APBA2: variants seen among roughly 807,000 people sequenced by gnomAD.
APBA2 encodes amyloid-beta A4 precursor protein-binding family A member 2.
A neutral mutation model predicts 75.0 loss-of-function variants in APBA2; 30 were observed. The ratio of observed to expected loss-of-function variants is 0.40; its 90% CI spans 0.30 to 0.54. The LOEUF (loss-of-function observed/expected upper bound fraction) is 0.54. Ranked by LOEUF, APBA2 falls within the 20% of genes least tolerant of loss-of-function variation. APBA2 has a pLI of 0.49. For synonymous variants in APBA2, 444 were observed against 409.6 expected, an observed-to-expected ratio of 1.08 and a Z score of -1.01; for missense variants, 801 against 1,016.1, an observed-to-expected ratio of 0.79 and a Z score of 2.88.
chr15:28,938,266 A>C (rs1466152675), intron 2 of APBA2, among the ~76,000 whole-genome samples: 1 of 152,188 alleles, frequency 6.6e-6, no homozygotes, highest in Non-Finnish European at 1.5e-5. Context: ...TCCAAACCAC[A>C]TGGTATTTAT....
chr15:28,998,121 A>G (rs1390502739), intron 3 of APBA2, among the ~76,000 whole-genome samples: 5 of 151,734 alleles, frequency 3.3e-5, no homozygotes, highest in Non-Finnish European at 7.4e-5. Flanking sequence ...GATGTGCCTG[A>G]TGTCTTTTCA....
chr15:29,051,997 A>T (rs1270614346), intron 3 of APBA2, among the ~76,000 whole-genome samples: 4 of 152,192 alleles, frequency 2.6e-5, no homozygotes, highest in African/African-American at 9.7e-5. Flanking sequence ...AAATAGACAT[A>T]AAAAATTTAG....
At chr15:29,115,006 C>G (rs528455166) in intron 14 of APBA2, among the ~76,000 whole-genome samples, 108 of 150,016 alleles carry the variant, frequency 7.2e-4, no homozygotes, top group Non-Finnish European at 1.4e-3. Flanking sequence ...GTGGGTGTGT[C>G]TGTGTGTGTG....
chr15:29,114,897 G>A (rs1391314494), intron 14 of APBA2, among the ~76,000 whole-genome samples: 3 of 147,604 alleles, frequency 2.0e-5, no homozygotes, highest in Non-Finnish European at 4.4e-5. Flanking sequence ...CTGTGGGTGT[G>A]TGTGAGCATG....
chr15:29,055,371 A>C (rs186657796), intron 4 of APBA2, among the ~76,000 whole-genome samples: 109 of 152,286 alleles, frequency 7.2e-4, no homozygotes, highest in African/African-American at 2.5e-3. Flanking sequence ...GTGAATACCT[A>C]TTTGGAAAAG....
intron 3 of APBA2, among the ~76,000 whole-genome samples, chr15:29,005,668 C>T (rs2039077378): frequency 6.6e-6 from 1 of 152,094 alleles, no homozygotes; most frequent in African/African-American, 2.4e-5. Context: ...AGTTCAAGAC[C>T]ATCCTGGCCA....
chr15:29,053,819 G>A lies in APBA2; in HGVS notation c.-40-26G>A, dbSNP rs905370824. 6 of 1,459,100 alleles carry A rather than the reference G, an allele frequency of 4.1e-6. No individual in the cohort carries two copies. In the Admixed American group the frequency reaches 1.2e-4, roughly 29 times the overall value. The allele number at this position is 1,459,100 out of a possible 1,614,324, so 90.4% of individuals were successfully genotyped here. A position where few individuals can be genotyped will look rare whatever the true frequency, so the allele number is the denominator to read the frequency against. On this transcript the variant is annotated intron_variant, in intron 3 of 14. Coordinates refer to ENST00000683413, the MANE Select transcript of APBA2 (RefSeq NM_001353788.2). ...CTGGGCTTTGTGGGGTTTTGACTCT[G>A]TCCTTCCCAATGTTCCTCCCCACAG... is the stretch of plus-strand genomic sequence containing the variant.
chr15:29,057,562 A>T (rs758309155), intron 4 of APBA2, among the ~76,000 whole-genome samples: 1 of 152,234 alleles, frequency 6.6e-6, no homozygotes, highest in Non-Finnish European at 1.5e-5. Context: ...AGCATAAATG[A>T]TGTACGTAGC....
intron 12 of APBA2, 100 bp downstream of exon 12, chr15:29,106,919 C>T: frequency 8.4e-7 from 1 of 1,184,116 alleles, no homozygotes. Flanking sequence ...CCCCACTTCA[C>T]CCATGGGGAA....
intron 2 of APBA2, among the ~76,000 whole-genome samples, chr15:28,969,132 C>CTTTCTTTCTTTCTT (rs1566855353): frequency 4.3e-5 from 2 of 46,180 alleles, no homozygotes; most frequent in Non-Finnish European, 6.3e-5. Flanking sequence ...ATTTCTTTTT[C>CTTTCTTTCTTTCTT]TTTCTTTCTT....
intron 10 of APBA2, 69 bp downstream of exon 10, chr15:29,101,853 C>A (rs777669163): frequency 6.5e-7 from 1 of 1,531,902 alleles, no homozygotes; most frequent in Admixed American, 1.9e-5. Flanking sequence ...AGGATCCAGG[C>A]GCTGTGGAAA....
intron 2 of APBA2, among the ~76,000 whole-genome samples, chr15:28,954,501 G>A (rs1595556895): frequency 6.6e-6 from 1 of 152,112 alleles, no homozygotes; most frequent in East Asian, 1.9e-4. Context: ...GCGGACTTTG[G>A]TACTGGCCCA....
chr15:28,924,361 A>G (rs1402308307), intron 2 of APBA2, among the ~76,000 whole-genome samples: 1 of 152,176 alleles, frequency 6.6e-6, no homozygotes, highest in Non-Finnish European at 1.5e-5. Flanking sequence ...ATCTGTGTCT[A>G]GTTCCAACAA....
intron 1 of APBA2, among the ~76,000 whole-genome samples, chr15:28,887,735 G>A (rs550748384): frequency 6.6e-6 from 1 of 152,330 alleles, no homozygotes; most frequent in Admixed American, 6.5e-5. Flanking sequence ...GGGCGTGAGT[G>A]GGTAAAGCTG....
intron 1 of APBA2, among the ~76,000 whole-genome samples, chr15:28,921,373 A>G (rs995221713): frequency 5.3e-5 from 8 of 152,132 alleles, no homozygotes; most frequent in Admixed American, 5.2e-4. Context: ...ATACTCACTG[A>G]CCTTTGGAAA....
At chr15:28,914,771 C>T (rs1455845500) in intron 1 of APBA2, among the ~76,000 whole-genome samples, 288 of 152,110 alleles carry the variant, frequency 1.9e-3, no homozygotes, top group African/African-American at 6.8e-3. Flanking sequence ...TCGTTCTTTC[C>T]TCCTGGACTC....
chr15:29,078,786 C>G (rs2042964014), intron 6 of APBA2, among the ~76,000 whole-genome samples: 1 of 152,134 alleles, frequency 6.6e-6, no homozygotes, highest in African/African-American at 2.4e-5. Context: ...GCTTCTCGTT[C>G]TAGGCAGGAA....
intron 14 of APBA2, among the ~76,000 whole-genome samples, chr15:29,116,590 T>TG (rs1364006236): frequency 1.3e-5 from 2 of 149,086 alleles, no homozygotes; most frequent in Non-Finnish European, 3.0e-5. Context: ...ATTGCACCAC[T>TG]GCACTCCAGC....
At chr15:29,015,811 G>A (rs982727800) in intron 3 of APBA2, among the ~76,000 whole-genome samples, 2 of 152,134 alleles carry the variant, frequency 1.3e-5, no homozygotes, top group African/African-American at 4.8e-5. Flanking sequence ...GTCGCTCTGG[G>A]CCAGGAGGCA....
Sources: allele counts gnomAD v4.1 joint callset (sites outside exome capture counted in the v4.1 genomes callset), GRCh38; gene constraint gnomAD v4.1.1; transcripts MANE v1.5; gene names NCBI Gene and HGNC (gene_info 2026-07-23, HGNC 2026-07-21).